Variants in FUT8 observed in about 807,000 individuals in gnomAD.
FUT8 encodes fucosyltransferase 8, also known as alpha-(1,6)-fucosyltransferase.
Under a neutral mutation model 71.3 loss-of-function variants are expected in FUT8, and 29 were observed. That is an observed-to-expected ratio of 0.41 (90% CI 0.30 to 0.55). FUT8 has a LOEUF of 0.55. FUT8 is among the 20% of genes least tolerant of loss of function. The pLI is 0.34. For missense variants in FUT8, 544 were observed against 702.1 expected, an observed-to-expected ratio of 0.77 and a Z score of 2.55; for synonymous variants, 254 against 239.3, an observed-to-expected ratio of 1.06 and a Z score of -0.57.
chr14:65,525,669 G>T (rs1471480372), intron 2 of FUT8, among the ~76,000 whole-genome samples: 1 of 152,172 alleles, frequency 6.6e-6, no homozygotes, highest in Non-Finnish European at 1.5e-5. Context: ...GTCAATGTTA[G>T]ATCTTTCCTG....
chr14:65,526,573 A>T (rs533169578), intron 2 of FUT8, among the ~76,000 whole-genome samples: 1 of 152,090 alleles, frequency 6.6e-6, no homozygotes, highest in African/African-American at 2.4e-5. Flanking sequence ...TTTAAGGTTA[A>T]TATTGTTATG....
intron 1 of FUT8, among the ~76,000 whole-genome samples, chr14:65,435,786 T>TTTTC (rs1304758369): frequency 2.1e-5 from 3 of 146,174 alleles, no homozygotes; most frequent in African/African-American, 7.8e-5. Context: ...ATCTGTTCCT[T>TTTTC]TTTCTTTCTT....
chr14:65,716,130 A>G (rs1895047520), intron 7 of FUT8, among the ~76,000 whole-genome samples: 1 of 152,144 alleles, frequency 6.6e-6, no homozygotes, highest in Non-Finnish European at 1.5e-5. Flanking sequence ...TTCTATAAGT[A>G]TTTATTAGGT....
the FUT8 span, among the ~76,000 whole-genome samples, chr14:65,357,756 C>A: frequency 2.0e-5 from 3 of 152,206 alleles, no homozygotes; most frequent in Non-Finnish European, 4.4e-5. Flanking sequence ...TGACAATAGT[C>A]TCTTGATAGA....
intron 10 of FUT8, among the ~76,000 whole-genome samples, chr14:65,734,553 A>T (rs1239813976): frequency 6.6e-6 from 1 of 152,134 alleles, no homozygotes; most frequent in Non-Finnish European, 1.5e-5. Flanking sequence ...GGCATCCACT[A>T]TTTATGTTTC....
intron 2 of FUT8, among the ~76,000 whole-genome samples, chr14:65,524,659 AAAG>A (rs1220689644): frequency 6.6e-6 from 1 of 152,174 alleles, no homozygotes. Context: ...GCCAGTTTTC[AAAG>A]GGAATGCTTC....
At chr14:65,438,598 G>T (rs921211317) in intron 1 of FUT8, among the ~76,000 whole-genome samples, 2 of 152,156 alleles carry the variant, frequency 1.3e-5, no homozygotes, top group African/African-American at 4.8e-5. Flanking sequence ...AGCAGCTCTG[G>T]AGTATTATCA....
intron 2 of FUT8, among the ~76,000 whole-genome samples, chr14:65,512,907 C>CAAA (rs35280167): frequency 0.031 from 2,598 of 83,830 alleles, 47 homozygotes; most frequent in Non-Finnish European, 0.036. Context: ...GACTCTGTCT[C>CAAA]AAAAAAAAAA....
At chr14:65,741,126 C>A (rs1896476234) in intron 10 of FUT8, among the ~76,000 whole-genome samples, 1 of 151,820 alleles carries the variant, frequency 6.6e-6, no homozygotes. Context: ...TTTAGTTTAA[C>A]TTTATTACTA....
chr14:65,535,268 T>G (rs1345857199), intron 2 of FUT8, among the ~76,000 whole-genome samples: 1 of 151,686 alleles, frequency 6.6e-6, no homozygotes, highest in African/African-American at 2.4e-5. Flanking sequence ...CCCAGCCAAT[T>G]TTTTATATTT....
chr14:65,716,191 T>G lies in FUT8; in HGVS notation c.836-5584T>G, dbSNP rs545089752. ...GTCTGATGTTCCTTTGTTGATTTTC[T>G]GTCTGTCCAATTCTGAAAGTGAGGT... is the stretch of plus-strand genomic sequence containing the variant. On this transcript the variant is annotated intron_variant, in intron 7 of 10. Transcript: ENST00000673929. Among the ~76,000 whole-genome samples, 13 of 152,320 alleles carry G rather than the reference T, an allele frequency of 8.5e-5. No homozygotes were observed. The East Asian group carries it at 2.5e-3, about 29-fold the overall frequency.
chr14:65,692,462 C>A (rs1893694988), intron 7 of FUT8, among the ~76,000 whole-genome samples: 1 of 117,590 alleles, frequency 8.5e-6, no homozygotes. Context: ...GGGGCTGACC[C>A]CCCCACCTCC....
In FUT8 at chr14:65,606,811, GC is replaced by G. The variant is rs796570355; in HGVS notation, c.204-9166del. 1.3e-4 allele frequency among the ~76,000 whole-genome samples: 19 copies of G among 151,766 alleles called. 3 individuals carry two copies. The highest frequency in any genetic ancestry group is 4.3e-4 in the African/African-American group (18 of 41,446). ...TTCATAAGTATTTTAGGATCACTTTGCTAAATTTAATTAAAAAATCCTTTTG... is the reference window on the plus strand; with the variant it reads ...TTCATAAGTATTTTAGGATCACTTTGTAAATTTAATTAAAAAATCCTTTTG... On this transcript the variant is annotated intron_variant, in intron 3 of 10. Coordinates refer to ENST00000673929, the MANE Select transcript of FUT8 (RefSeq NM_001371533.1).
At chr14:65,692,426 CCCGGACGGGGCGGCTGG>C in intron 7 of FUT8, among the ~76,000 whole-genome samples, 1 of 142,876 alleles carries the variant, frequency 7.0e-6, no homozygotes. Flanking sequence ...CCACCTCCCT[CCCGGACGGGGCGGCTGG>C]CCGGGCGGGG....
rs1310095564 is a variant in FUT8, at chr14:65,550,219, G to C, written c.-227-11118G>C. ...GAGCCAGCGTATCACATGGTGAGAA[G>C]GGGTGCAAGAGAGAGAAGGGAGGAG... On this transcript the variant is annotated intron_variant, in intron 2 of 10. Coordinates refer to ENST00000673929, the MANE Select transcript of FUT8 (RefSeq NM_001371533.1). This position sits in a 1 kb window ranked among gnomAD's most constrained non-coding sequence, Gnocchi z 4.5. 6.6e-6 allele frequency among the ~76,000 whole-genome samples: 1 copy of C among 152,120 alleles called. No individual in the cohort carries two copies. Among genetic ancestry groups the C allele is most frequent in the Non-Finnish European group, 1.5e-5 (1 of 68,008 alleles).
At position 65,742,273 on chromosome 14, in the gene FUT8, G is replaced by A. The variant is rs143467193; in HGVS notation, c.1591G>A (p.Val531Met). Reference sequence around the variant, plus strand: ...CATGGAACCTGGAGATATCATTGGTGTGGCTGGAAATCATTGGGATGGCTA... The same window carrying A: ...CATGGAACCTGGAGATATCATTGGTATGGCTGGAAATCATTGGGATGGCTA... ...IPMEPGDIIG[V>M]AGNHWDGYSK... The change falls in exon 11 of 11, where the codon GTG (valine) becomes ATG (methionine). Residue 531 changes from valine to methionine, a missense_variant. By Grantham distance (21) the Val-to-Met change is conservative. Transcript: ENST00000673929. The A allele has an allele frequency of 3.7e-6, 6 of 1,612,974 alleles. No homozygotes were observed. The highest frequency in any genetic ancestry group is 1.3e-5 in the African/African-American group (1 of 74,816).
At chr14:65,694,951 A>G (rs1325574281) in intron 7 of FUT8, among the ~76,000 whole-genome samples, 5 of 151,628 alleles carry the variant, frequency 3.3e-5, no homozygotes, top group African/African-American at 1.2e-4. Context: ...CTAAGTGACA[A>G]GTTAATGGGT....
chr14:65,441,611 G>C (rs2065656653), intron 1 of FUT8, among the ~76,000 whole-genome samples: 2 of 151,830 alleles, frequency 1.3e-5, no homozygotes, highest in South Asian at 4.2e-4. Context: ...AAATTAGCCG[G>C]GTGTGGTGGC....
chr14:65,490,966 T>C (rs893131493), intron 2 of FUT8, among the ~76,000 whole-genome samples: 33 of 152,150 alleles, frequency 2.2e-4, no homozygotes, highest in African/African-American at 7.5e-4. Context: ...TAGTGACTTG[T>C]TGAATTGCAC....
Sources: gnomAD v4.1 joint callset for allele counts (sites outside exome capture counted in the v4.1 genomes callset) on GRCh38, gnomAD v4.1.1 for gene constraint, Gnocchi (gnomAD v3.1) non-coding constraint, MANE v1.5 for transcripts, NCBI Gene and HGNC (gene_info 2026-07-23, HGNC 2026-07-21) for gene names.